The following IQGAP2 variants were observed in gnomAD, a reference collection of about 807,000 sequenced individuals.
The protein encoded by IQGAP2 is IQ motif containing GTPase activating protein 2.
Under a neutral mutation model 201.3 loss-of-function variants are expected in IQGAP2, and 173 were observed. That is an observed-to-expected ratio of 0.86 (90% CI 0.76 to 0.98). The LOEUF (loss-of-function observed/expected upper bound fraction) is 0.98. IQGAP2 is among the 50% of genes least tolerant of loss of function. The probability of loss-of-function intolerance (pLI) is 0.00; values close to 1 mark genes in which losing one functional copy is unlikely to be tolerated. For missense variants in IQGAP2, 1,687 were observed against 1,864.8 expected (o/e 0.90, Z 1.76); for synonymous variants, 675 against 673.9 (o/e 1.00, Z -0.03).
At chr5:76,522,748 G>A (rs1009069518) in intron 2 of IQGAP2, among the ~76,000 whole-genome samples, 1 of 152,138 alleles carries the variant, frequency 6.6e-6, no homozygotes, top group Admixed American at 6.5e-5. Flanking sequence ...AGAGTAGAAA[G>A]ATCAATCATT....
intron 3 of IQGAP2, among the ~76,000 whole-genome samples, chr5:76,569,549 GC>G (rs1395506010): frequency 6.6e-6 from 1 of 152,118 alleles, no homozygotes; most frequent in Non-Finnish European, 1.5e-5. Context: ...CATTGAGAAG[GC>G]ATAAACATTT....
At chr5:76,429,263 T>G (rs1011390406) in intron 1 of IQGAP2, among the ~76,000 whole-genome samples, 1 of 151,902 alleles carries the variant, frequency 6.6e-6, no homozygotes, top group Non-Finnish European at 1.5e-5. Context: ...ATTCCTGTTT[T>G]TCTCTTTTTA....
intron 32 of IQGAP2, among the ~76,000 whole-genome samples, chr5:76,696,976 G>T (rs897523946): frequency 2.0e-5 from 3 of 152,074 alleles, no homozygotes; most frequent in Admixed American, 2.0e-4. Context: ...ATTCCTAGGG[G>T]AATGGTTTTT....
At position 76,642,267 on chromosome 5, in the gene IQGAP2, G is replaced by T. The variant is rs112556906; in HGVS notation, c.2094+1164G>T. Among the ~76,000 whole-genome samples, 6 of 152,262 alleles carry T rather than the reference G, an allele frequency of 3.9e-5. 1 individual carries two copies. The highest frequency in any genetic ancestry group is 1.4e-4 in the African/African-American group (6 of 41,552). On this transcript the variant is annotated intron_variant, in intron 17 of 35. Transcript: ENST00000274364. ...ACACTCTCCAGTCTCAGGTCACACA[G>T]CAGTGTTGCAGTTGGAAGATATACC... is the stretch of plus-strand genomic sequence containing the variant.
At chr5:76,431,390 C>A (rs1752357596) in intron 1 of IQGAP2, among the ~76,000 whole-genome samples, 1 of 151,782 alleles carries the variant, frequency 6.6e-6, no homozygotes, top group Non-Finnish European at 1.5e-5. Context: ...CATTTTTCTT[C>A]CTGGGACTGT....
chr5:76,421,827 G>A (rs944179140), intron 1 of IQGAP2, among the ~76,000 whole-genome samples: 2 of 152,164 alleles, frequency 1.3e-5, no homozygotes, highest in African/African-American at 4.8e-5. Flanking sequence ...GCTGCCTCTT[G>A]GGGCATATGG....
intron 1 of IQGAP2, among the ~76,000 whole-genome samples, chr5:76,446,759 T>G (rs1228320616): frequency 6.6e-6 from 1 of 152,178 alleles, no homozygotes; most frequent in Non-Finnish European, 1.5e-5. Flanking sequence ...TCTACCAAAT[T>G]AGAATGATCC....
chr5:76,495,133 AAGATATACAATAAAT>A (rs1580317406), intron 2 of IQGAP2, among the ~76,000 whole-genome samples: 1 of 152,222 alleles, frequency 6.6e-6, no homozygotes, highest in African/African-American at 2.4e-5. Flanking sequence ...CTATATATAA[AAGATATACAATAAAT>A]AGATATACAA....
At chr5:76,443,419 C>T (rs76045075) in intron 1 of IQGAP2, among the ~76,000 whole-genome samples, 1,724 of 151,536 alleles carry the variant, frequency 0.011, 38 homozygotes, top group African/African-American at 0.039. Context: ...TTAGGAATTC[C>T]AGTTCAGCCT....
At chr5:76,451,083 C>G (rs1186617753) in intron 1 of IQGAP2, among the ~76,000 whole-genome samples, 1 of 152,044 alleles carries the variant, frequency 6.6e-6, no homozygotes, top group African/African-American at 2.4e-5. Flanking sequence ...TTAGTATATC[C>G]CTGGAACAGT....
chr5:76,434,454 C>T (rs1374535405), intron 1 of IQGAP2, among the ~76,000 whole-genome samples: 1 of 152,146 alleles, frequency 6.6e-6, no homozygotes, highest in Non-Finnish European at 1.5e-5. Flanking sequence ...GTTTGATTTT[C>T]CATTCCTGAG....
intron 2 of IQGAP2, among the ~76,000 whole-genome samples, chr5:76,511,171 A>T (rs554209790): frequency 7.1e-4 from 108 of 152,306 alleles, no homozygotes; most frequent in African/African-American, 2.6e-3. Flanking sequence ...GATGGTTTAA[A>T]CAAACAAGTT....
At chr5:76,494,388 C>A (rs1365019431) in intron 2 of IQGAP2, among the ~76,000 whole-genome samples, 2 of 152,072 alleles carry the variant, frequency 1.3e-5, no homozygotes, top group Non-Finnish European at 2.9e-5. Flanking sequence ...AATGTTGTAA[C>A]CAGAGGATAA....
chr5:76,699,345 A>G (rs2150553820), intron 33 of IQGAP2: 1 of 152,218 alleles, frequency 6.6e-6, no homozygotes, highest in African/African-American at 2.4e-5. Flanking sequence ...TATATACCAC[A>G]TTTTCTTTAC....
chr5:76,612,751 G>C (rs938497464), intron 13 of IQGAP2, among the ~76,000 whole-genome samples: 4 of 151,952 alleles, frequency 2.6e-5, no homozygotes, highest in African/African-American at 7.3e-5. Context: ...TGTATGTGTT[G>C]GGGGAGGGGC....
intron 2 of IQGAP2, among the ~76,000 whole-genome samples, chr5:76,469,021 C>T (rs1206489099): frequency 6.6e-6 from 1 of 152,128 alleles, no homozygotes; most frequent in Non-Finnish European, 1.5e-5. Flanking sequence ...TGATTATGCT[C>T]TGTTTTCTGT....
chr5:76,418,358 T>A (rs1321812061), intron 1 of IQGAP2, among the ~76,000 whole-genome samples: 2 of 152,260 alleles, frequency 1.3e-5, no homozygotes, highest in East Asian at 3.9e-4. Context: ...TAGCATTTCT[T>A]TTACTACGAA....
intron 2 of IQGAP2, among the ~76,000 whole-genome samples, chr5:76,485,645 G>A (rs924890883): frequency 3.9e-5 from 6 of 152,176 alleles, no homozygotes; most frequent in Admixed American, 3.9e-4. Flanking sequence ...GGAGTTGAAT[G>A]TCCATGTAGT....
At chr5:76,484,783 T>C (rs906309461) in intron 2 of IQGAP2, among the ~76,000 whole-genome samples, 10 of 152,178 alleles carry the variant, frequency 6.6e-5, no homozygotes, top group Middle Eastern at 6.8e-3. Context: ...CCAAAAGCAC[T>C]GGGATTACAG....
Sources: gnomAD v4.1 joint callset for allele counts (sites outside exome capture counted in the v4.1 genomes callset) on GRCh38, gnomAD v4.1.1 for gene constraint, MANE v1.5 for transcripts, NCBI Gene and HGNC (gene_info 2026-07-23, HGNC 2026-07-21) for gene names.